The following RHEX variants were observed in gnomAD, a reference collection of about 807,000 sequenced individuals.
RHEX encodes regulator of hemoglobinization and erythroid cell expansion.
In RHEX, 18 loss-of-function variants were observed where a neutral mutation model predicts 20.1. That is an observed-to-expected ratio of 0.90 (90% CI 0.62 to 1.33). The LOEUF is 1.33. Among genes scored for constraint, RHEX ranks in the 40% most tolerant of loss-of-function variants. RHEX has a pLI of 0.00. For missense variants in RHEX, 192 were observed against 214.3 expected (o/e 0.90, Z 0.65); for synonymous variants, 87 against 77.1 (o/e 1.13, Z -0.67).
chr1:206,068,501 G>A (rs1553284383), intron 1 of RHEX, among the ~76,000 whole-genome samples: 1 of 152,144 alleles, frequency 6.6e-6, no homozygotes, highest in Non-Finnish European at 1.5e-5. Context: ...AATCAGCATA[G>A]AGCAGAAATA....
chr1:206,095,574 T>A (rs1431137751), intron 1 of RHEX, among the ~76,000 whole-genome samples: 2 of 152,132 alleles, frequency 1.3e-5, no homozygotes, highest in Non-Finnish European at 2.9e-5. Context: ...CCCAGCACTT[T>A]GGGAGGCCAA....
At chr1:206,086,094 C>G (rs1343921587) in intron 1 of RHEX, among the ~76,000 whole-genome samples, 1 of 152,184 alleles carries the variant, frequency 6.6e-6, no homozygotes, top group African/African-American at 2.4e-5. Flanking sequence ...TTGACCTTCT[C>G]TATTCCCTGG....
At chr1:206,071,268 A>G (rs1662523371) in intron 1 of RHEX, among the ~76,000 whole-genome samples, 1 of 152,156 alleles carries the variant, frequency 6.6e-6, no homozygotes, top group Non-Finnish European at 1.5e-5. Flanking sequence ...TGAAGGCCGG[A>G]AGACTCAGGC....
chr1:206,063,593 T>C (rs1273114524), intron 1 of RHEX, among the ~76,000 whole-genome samples: 1 of 152,172 alleles, frequency 6.6e-6, no homozygotes, highest in Non-Finnish European at 1.5e-5. Flanking sequence ...GGGGTTTCGC[T>C]GTGTTGGCCG....
intron 1 of RHEX, among the ~76,000 whole-genome samples, chr1:206,078,499 T>C (rs1662675406): frequency 6.6e-6 from 1 of 152,144 alleles, no homozygotes; most frequent in Non-Finnish European, 1.5e-5. Flanking sequence ...AGGTTGAAGC[T>C]GCAGCGAGCC....
chr1:206,054,339 G>A (rs1662142600), intron 1 of RHEX, among the ~76,000 whole-genome samples: 1 of 152,178 alleles, frequency 6.6e-6, no homozygotes, highest in Non-Finnish European at 1.5e-5. Flanking sequence ...TAATTTAAAA[G>A]TAATAAGGCC....
chr1:206,098,160 T>C lies in RHEX; in HGVS notation c.91T>C (p.Tyr31His), dbSNP rs958522822. ...LQACFLTAIN[Y>H]LLSRHMAHKS... is the part of the protein sequence containing the mutation. Reference sequence around the variant, plus strand: ...GGCCTGCTTCCTCACCGCCATCAACTACCTGCTCAGCAGGCACATGGGTAA... The same window carrying C: ...GGCCTGCTTCCTCACCGCCATCAACCACCTGCTCAGCAGGCACATGGGTAA... The change falls in exon 3 of 6, where the codon TAC (tyrosine) becomes CAC (histidine). Residue 31 changes from tyrosine (Y) to histidine (H), a missense_variant. By Grantham distance (83) the Tyr-to-His change is moderately conservative. Coordinates refer to ENST00000331555, the MANE Select transcript of RHEX (RefSeq NM_001007544.4). 1 of 1,613,292 alleles carries C rather than the reference T, an allele frequency of 6.2e-7. No individual in the cohort carries two copies. Among genetic ancestry groups the C allele is most frequent in the African/African-American group, 1.3e-5 (1 of 74,920 alleles).
rs1414417723 is a variant in RHEX at position 206,101,343 on chromosome 1, G to GA, written c.318+146_318+147insA. 10 of 663,616 alleles carry GA rather than the reference G, an allele frequency of 1.5e-5. No individual in the cohort carries two copies. In the African/African-American group the frequency reaches 1.6e-4, roughly 11 times the overall value. 41.1% of individuals were successfully genotyped at this position (663,616 alleles called of 1,614,324 possible). ...AGTCATCACAGCATCCTCAGGTGAG[G>GA]GGGGGTCAGGCTTCCACCCATAACC... On this transcript the variant is annotated intron_variant, in intron 5 of 5. Coordinates refer to ENST00000331555, the MANE Select transcript of RHEX (RefSeq NM_001007544.4).
In RHEX at chr1:206,066,478, G is replaced by T. The variant is rs533690053; in HGVS notation, c.-97+13213G>T. On this transcript the variant is annotated intron_variant, in intron 1 of 5. Coordinates refer to ENST00000331555, the MANE Select transcript of RHEX (RefSeq NM_001007544.4). ...CTAAAAATACAGAAATAAGCTGGGT[G>T]TGGTGGCACATGCCTGTAATCCCAG... Among the ~76,000 whole-genome samples, 12 of 152,318 alleles carry T rather than the reference G, an allele frequency of 7.9e-5. 1 individual carries two copies. The South Asian group carries it at 2.3e-3, about 29-fold the overall frequency.
At chr1:206,090,498 C>T (rs929037209) in intron 1 of RHEX, among the ~76,000 whole-genome samples, 6 of 152,146 alleles carry the variant, frequency 3.9e-5, no homozygotes, top group Middle Eastern at 3.4e-3. Flanking sequence ...TGAGCCACCG[C>T]GCCTGGCCCA....
chr1:206,081,730 A>G (rs1237814178), intron 1 of RHEX, among the ~76,000 whole-genome samples: 3 of 152,224 alleles, frequency 2.0e-5, no homozygotes, highest in Admixed American at 1.3e-4. Flanking sequence ...CAATCCTATG[A>G]TCTTGTGAAT....
chr1:206,087,462 A>C (rs1230882500), intron 1 of RHEX, among the ~76,000 whole-genome samples: 1 of 151,652 alleles, frequency 6.6e-6, no homozygotes, highest in Admixed American at 6.5e-5. Context: ...TCCTTCTGAC[A>C]ATTCATTATT....
At chr1:206,059,819 C>A (rs1482532218) in intron 1 of RHEX, among the ~76,000 whole-genome samples, 6 of 152,116 alleles carry the variant, frequency 3.9e-5, no homozygotes, top group African/African-American at 1.2e-4. Flanking sequence ...AGGAGAAATT[C>A]TTTCCTGGTG....
intron 1 of RHEX, among the ~76,000 whole-genome samples, chr1:206,079,748 G>A (rs1244062746): frequency 6.6e-6 from 1 of 152,118 alleles, no homozygotes; most frequent in African/African-American, 2.4e-5. Context: ...TAGAGACGGG[G>A]TTTCACCATG....
chr1:206,084,694 T>A (rs1259282586), intron 1 of RHEX, among the ~76,000 whole-genome samples: 1 of 152,196 alleles, frequency 6.6e-6, no homozygotes, highest in Non-Finnish European at 1.5e-5. Flanking sequence ...CCCAATTAAA[T>A]GCCTTGAGTA....
chr1:206,066,215 C>T (rs782595578), intron 1 of RHEX, among the ~76,000 whole-genome samples: 12 of 152,218 alleles, frequency 7.9e-5, no homozygotes, highest in South Asian at 2.1e-4. Context: ...CTCTTATCTG[C>T]GAATCTCTTA....
In RHEX at chr1:206,064,427, G is replaced by A. The variant is rs1476106397; in HGVS notation, c.-97+11162G>A. Reference sequence around the variant, plus strand: ...CCCCGCCCGGCCAGCCGCCCCGTCCGGGAGGGAGGTGGGGGGGTCAGCCCC... The same window carrying A: ...CCCCGCCCGGCCAGCCGCCCCGTCCAGGAGGGAGGTGGGGGGGTCAGCCCC... On this transcript the variant is annotated intron_variant, in intron 1 of 5. Coordinates refer to ENST00000331555, the MANE Select transcript of RHEX (RefSeq NM_001007544.4). Among the ~76,000 whole-genome samples the A allele has an allele frequency of 2.8e-5, 3 of 107,074 alleles. No individual in the cohort carries two copies. The East Asian group carries it at 8.6e-4, about 31-fold the overall frequency. 70.2% of individuals were successfully genotyped at this position (107,074 alleles called of 152,430 possible). A position where few individuals can be genotyped will look rare whatever the true frequency, so the allele number is the denominator to read the frequency against.
At chr1:206,083,795 A>G in intron 1 of RHEX, 5 of 234,316 alleles carry the variant, frequency 2.1e-5, no homozygotes, top group Non-Finnish European at 2.8e-5. Context: ...CAATCAGCTT[A>G]CAGTGAGCCT....
In RHEX at chr1:206,072,523, C is replaced by G. The variant is rs1662555362; in HGVS notation, c.-97+19258C>G. Among the ~76,000 whole-genome samples, 2 of 152,092 alleles carry G rather than the reference C, an allele frequency of 1.3e-5. 1 individual carries two copies. The highest frequency in any genetic ancestry group is 4.1e-4 in the South Asian group (2 of 4,824). ...CCTGGGAGGCGGAGGTTGCAGTGAG[C>G]CGAGATCGTGCCACTGCACTCCAGC... is the stretch of plus-strand genomic sequence containing the variant. On this transcript the variant is annotated intron_variant, in intron 1 of 5. Coordinates refer to ENST00000331555, the MANE Select transcript of RHEX (RefSeq NM_001007544.4).
Sources: gnomAD v4.1 joint callset for allele counts (sites outside exome capture counted in the v4.1 genomes callset) on GRCh38, gnomAD v4.1.1 for gene constraint, MANE v1.5 for transcripts, NCBI Gene and HGNC (gene_info 2026-07-23, HGNC 2026-07-21) for gene names.